ADGRG4: variants seen among roughly 807,000 people sequenced by gnomAD.
The protein encoded by ADGRG4 is G protein-coupled receptor 112.
Under a neutral mutation model 126.2 loss-of-function variants are expected in ADGRG4, and 122 were observed. The observed-to-expected ratio is 0.97, with a 90% CI of 0.83 to 1.12. The LOEUF is 1.12. Among genes scored for constraint, ADGRG4 ranks in the 50% most tolerant of loss-of-function variants. ADGRG4 has a pLI of 0.00. For missense variants in ADGRG4, 2,481 were observed against 2,251.8 expected (o/e 1.10, Z -2.06); for synonymous variants, 943 against 838.7 (o/e 1.12, Z -2.15).
At chrX:136,317,136 G>A (rs1161419319) in intron 4 of ADGRG4, among the ~76,000 whole-genome samples, 2 of 111,584 alleles carry the variant, frequency 1.8e-5, no homozygotes, top group Non-Finnish European at 3.8e-5. Context: ...AACTAAAACT[G>A]TAACATTCTT....
chrX:136,330,598 GT>G (rs888006076), intron 5 of ADGRG4, among the ~76,000 whole-genome samples: 3 of 110,770 alleles, frequency 2.7e-5, no homozygotes, highest in Non-Finnish European at 3.8e-5. Flanking sequence ...CTGTGTACAG[GT>G]TTTTTTTGTG....
At position 136,347,729 on chromosome X, in the gene ADGRG4, A is replaced by G; in HGVS notation, c.4023A>G (p.Pro1341=). 1.7e-6 allele frequency: 2 copies of G among 1,210,558 alleles called. No homozygotes were observed. The highest frequency in any genetic ancestry group is 2.2e-6 in the Non-Finnish European group (2 of 894,526). Reference sequence around the variant, plus strand: ...CTTCTGGAAGCACACAGATTACACCAACCTTGACCTCAAGTAACACAGTAG... The same window carrying G: ...CTTCTGGAAGCACACAGATTACACCGACCTTGACCTCAAGTAACACAGTAG... ...SPTSGSTQIT[P]TLTSSNTVGV... Residue 1341 remains proline, a synonymous_variant, in exon 6 of 26, where the codon CCA becomes CCG. Transcript: ENST00000394143.
chrX:136,341,164 C>T (rs372112097), intron 5 of ADGRG4, among the ~76,000 whole-genome samples: 41 of 111,810 alleles, frequency 3.7e-4, no homozygotes, highest in African/African-American at 1.3e-3. Context: ...ATGGCTCAGC[C>T]CTCTCTGATA....
intron 4 of ADGRG4, among the ~76,000 whole-genome samples, chrX:136,310,427 T>C (rs2074761364): frequency 9.0e-6 from 1 of 111,617 alleles, no homozygotes; most frequent in Non-Finnish European, 1.9e-5. Flanking sequence ...AATTCATGAG[T>C]CAAACAAGTT....
At chrX:136,355,252 C>CAG (rs1301613437) in intron 8 of ADGRG4, among the ~76,000 whole-genome samples, 10 of 100,741 alleles carry the variant, frequency 9.9e-5, no homozygotes, top group African/African-American at 3.0e-4. Context: ...CACACACACA[C>CAG]AGAGACACAT....
intron 22 of ADGRG4, among the ~76,000 whole-genome samples, chrX:136,405,477 G>T (rs2148499954): frequency 9.0e-6 from 1 of 111,523 alleles, no homozygotes; most frequent in South Asian, 3.8e-4. Context: ...TAGGATTTCT[G>T]ACTTAGTGTT....
chrX:136,407,939 G>A (rs773315823), intron 23 of ADGRG4, among the ~76,000 whole-genome samples: 1 of 112,155 alleles, frequency 8.9e-6, no homozygotes, highest in South Asian at 3.7e-4. Flanking sequence ...GGTATAGAAT[G>A]TCCACGGAAA....
At chrX:136,302,613 A>T (rs920908413) in intron 1 of ADGRG4, among the ~76,000 whole-genome samples, 3 of 111,752 alleles carry the variant, frequency 2.7e-5, no homozygotes, top group Non-Finnish European at 1.9e-5. Context: ...AAACTTTTTG[A>T]GGGGAGATAG....
intron 5 of ADGRG4, among the ~76,000 whole-genome samples, chrX:136,337,598 T>G (rs1228500342): frequency 1.8e-5 from 2 of 112,652 alleles, no homozygotes; most frequent in Non-Finnish European, 3.8e-5. Flanking sequence ...TTAACAATTC[T>G]TTTCTGTCAG....
chrX:136,363,835 GT>G (rs896677046), intron 13 of ADGRG4, among the ~76,000 whole-genome samples: 2 of 111,404 alleles, frequency 1.8e-5, no homozygotes, highest in Non-Finnish European at 3.8e-5. Context: ...TTGAGATGGA[GT>G]TTCGCTCTTG....
intron 1 of ADGRG4, among the ~76,000 whole-genome samples, chrX:136,301,800 G>T (rs1369234235): frequency 1.8e-5 from 2 of 111,611 alleles, no homozygotes; most frequent in Non-Finnish European, 3.8e-5. Flanking sequence ...TTCTCCATAT[G>T]GCTAGCCAGT....
intron 7 of ADGRG4, among the ~76,000 whole-genome samples, chrX:136,352,040 A>G (rs1047794749): frequency 4.8e-4 from 54 of 111,899 alleles, no homozygotes; most frequent in African/African-American, 1.6e-3. Context: ...AAAAACCCAG[A>G]AAGTAAATGT....
At chrX:136,311,394 TACACACAC>T (rs72201867) in intron 4 of ADGRG4, among the ~76,000 whole-genome samples, 9 of 95,632 alleles carry the variant, frequency 9.4e-5, no homozygotes, top group Non-Finnish European at 1.9e-4. Context: ...TCATACCATG[TACACACAC>T]ACACACACAC....
intron 4 of ADGRG4, among the ~76,000 whole-genome samples, chrX:136,315,580 T>C (rs2074799867): frequency 9.0e-6 from 1 of 111,231 alleles, no homozygotes; most frequent in Non-Finnish European, 1.9e-5. Context: ...CTTGCTCTCA[T>C]AGGTATTACC....
At chrX:136,363,655 A>G (rs1253616817) in intron 13 of ADGRG4, 60 bp downstream of exon 13, 1 of 754,693 alleles carries the variant, frequency 1.3e-6, no homozygotes, top group African/African-American at 2.1e-5. Context: ...TGCCTACTTG[A>G]CCCCAAACCA....
At position 136,372,884 on chromosome X, in the gene ADGRG4, A is replaced by G; in HGVS notation, c.7614-18A>G. On this transcript the variant is annotated intron_variant, in intron 14 of 25. Transcript: ENST00000394143. The stretch of plus-strand genomic sequence containing the variant: ...TTTAAAAGGTAGGATGCTCTTCTCC[A>G]TCTGTGGTTTCTTGCAGAATTCTGA... The G allele has an allele frequency of 2.5e-6, 3 of 1,208,972 alleles. No individual in the cohort carries two copies. Among genetic ancestry groups the G allele is most frequent in the Non-Finnish European group, 3.4e-6 (3 of 892,810 alleles).
chrX:136,319,180 C>T (rs988368023), intron 4 of ADGRG4, among the ~76,000 whole-genome samples: 2 of 112,627 alleles, frequency 1.8e-5, no homozygotes, highest in Admixed American at 1.9e-4. Flanking sequence ...CCCCTCTCCA[C>T]CTTGTCACAG....
chrX:136,356,015 C>A, intron 8 of ADGRG4, 111 bp from the exon 9 acceptor site: 1 of 442,169 alleles, frequency 2.3e-6, no homozygotes, highest in Non-Finnish European at 3.8e-6. Flanking sequence ...GAATTCCAGG[C>A]TGGGAGAAGT....
chrX:136,321,842 A>T (rs545594082), intron 4 of ADGRG4, among the ~76,000 whole-genome samples: 4 of 112,139 alleles, frequency 3.6e-5, no homozygotes, highest in Admixed American at 2.8e-4. Flanking sequence ...TGCATACATC[A>T]TCTCACTTAA....
Sources: gnomAD v4.1 joint callset for allele counts (sites outside exome capture counted in the v4.1 genomes callset) on GRCh38, gnomAD v4.1.1 for gene constraint, MANE v1.5 for transcripts, NCBI Gene and HGNC (gene_info 2026-07-23, HGNC 2026-07-21) for gene names.